ZNF382: variants seen among roughly 807,000 people sequenced by gnomAD.
ZNF382 encodes the protein zinc finger protein 382, also known as KRAB/zinc finger suppressor protein 1.
ZNF382 carries 20 observed loss-of-function variants against 38.8 expected under a neutral mutation model. That is an observed-to-expected ratio of 0.51 (90% CI 0.36 to 0.75). The LOEUF (loss-of-function observed/expected upper bound fraction) is 0.75, where lower values mean the gene tolerates loss of function less well. Among genes scored for constraint, ZNF382 ranks in the 30% least tolerant of loss-of-function variants. The pLI is 0.00. For synonymous variants in ZNF382, 202 were observed against 223.1 expected (o/e 0.91, Z 0.84); for missense variants, 546 against 654.1 (o/e 0.83, Z 1.80).
intron 4 of ZNF382, among the ~76,000 whole-genome samples, chr19:36,612,061 G>A (rs1243254143): frequency 6.6e-6 from 1 of 152,112 alleles, no homozygotes; most frequent in Non-Finnish European, 1.5e-5. Flanking sequence ...TTTGAATTCT[G>A]ACAGAAGGAT....
At chr19:36,620,839 A>G (rs534103683) in intron 4 of ZNF382, among the ~76,000 whole-genome samples, 1 of 151,176 alleles carries the variant, frequency 6.6e-6, no homozygotes, top group Non-Finnish European at 1.5e-5. Context: ...GCACACTGCA[A>G]CCTCCACCTC....
intron 4 of ZNF382, among the ~76,000 whole-genome samples, chr19:36,625,557 T>A (rs1320566307): frequency 8.6e-5 from 13 of 151,386 alleles, no homozygotes; most frequent in Non-Finnish European, 1.8e-4. Flanking sequence ...TATCTTTTTT[T>A]TTTTTTTGGG....
intron 4 of ZNF382, among the ~76,000 whole-genome samples, chr19:36,623,652 G>C (rs999127531): frequency 6.6e-6 from 1 of 152,028 alleles, no homozygotes; most frequent in African/African-American, 2.4e-5. Context: ...ACATCAGTCA[G>C]ATTTGGTGGC....
rs922298469 is a variant in ZNF382 at position 36,632,660 on chromosome 19, C to G, written c.*5110C>G. 7.9e-5 allele frequency: 12 copies of G among 152,340 alleles called. No homozygotes were observed. The highest frequency in any genetic ancestry group is 1.2e-4 in the African/African-American group (5 of 41,572). The allele number at this position is 152,340 out of a possible 1,614,324, so 9.4% of individuals were successfully genotyped here. A position where few individuals can be genotyped will look rare whatever the true frequency, so the allele number is the denominator to read the frequency against. The stretch of plus-strand genomic sequence containing the variant: ...ACTAGTACCTTGTATAGCTCACTGG[C>G]CTTATCCCAACCAAGAGTCAGAGCC... On this transcript the variant is annotated 3_prime_UTR_variant, in exon 5 of 5. Transcript: ENST00000292928.
At chr19:36,622,108 G>A (rs1361059101) in intron 4 of ZNF382, among the ~76,000 whole-genome samples, 1 of 150,982 alleles carries the variant, frequency 6.6e-6, no homozygotes, top group Non-Finnish European at 1.5e-5. Flanking sequence ...TGCAACGTCC[G>A]CCTCCCAGGT....
intron 4 of ZNF382, among the ~76,000 whole-genome samples, chr19:36,617,917 G>A (rs1220214475): frequency 1.3e-5 from 2 of 152,106 alleles, no homozygotes; most frequent in Non-Finnish European, 2.9e-5. Context: ...GGCCTAATTG[G>A]TTAAAGTTTT....
chr19:36,605,574 GGAGC>G (rs928039197), intron 1 of ZNF382: 16 of 152,366 alleles, frequency 1.1e-4, no homozygotes, highest in African/African-American at 3.8e-4. Context: ...AGGGTGACCC[GGAGC>G]GAGCTCCGCG....
At chr19:36,607,771 G>A in intron 2 of ZNF382, 149 bp downstream of exon 2, 2 of 795,914 alleles carry the variant, frequency 2.5e-6, no homozygotes, top group South Asian at 3.8e-5. Context: ...AGGCAGGCAA[G>A]TGGCATGAGG....
At position 36,627,640 on chromosome 19, in the gene ZNF382, G is replaced by T; in HGVS notation, c.*90G>T. 1 of 863,262 alleles carries T rather than the reference G, an allele frequency of 1.2e-6. No individual in the cohort carries two copies. Among genetic ancestry groups the T allele is most frequent in the Non-Finnish European group, 1.8e-6 (1 of 559,742 alleles). The allele number at this position is 863,262 out of a possible 1,614,324, so 53.5% of individuals were successfully genotyped here. ...CAAGCGTAATATCCAACAGTTTAAGGTACTATACCACATGGTAACCTACTG... is the reference window on the plus strand; with the variant it reads ...CAAGCGTAATATCCAACAGTTTAAGTTACTATACCACATGGTAACCTACTG... On this transcript the variant is annotated 3_prime_UTR_variant, in exon 5 of 5. Coordinates refer to ENST00000292928, the MANE Select transcript of ZNF382 (RefSeq NM_032825.5).
chr19:36,608,774 C>G (rs1488478745), intron 2 of ZNF382: 1 of 152,266 alleles, frequency 6.6e-6, no homozygotes, highest in Non-Finnish European at 1.5e-5. Flanking sequence ...CTCATTACTT[C>G]CTTTGGTCCA....
chr19:36,623,806 A>AAG (rs1555793626), intron 4 of ZNF382, among the ~76,000 whole-genome samples: 91 of 145,950 alleles, frequency 6.2e-4, no homozygotes, highest in African/African-American at 2.2e-3. Context: ...AAAAAAAAAA[A>AAG]GGGGCCGGGC....
At chr19:36,607,520 C>G (rs1436972100) in intron 1 of ZNF382, 32 bp from the exon 2 acceptor site, 1 of 1,317,152 alleles carries the variant, frequency 7.6e-7, no homozygotes, top group Non-Finnish European at 1.1e-6. Context: ...TATGGTCTCA[C>G]ATACGTATAT....
chr19:36,626,736 A>G lies in ZNF382; in HGVS notation c.839A>G (p.Lys280Arg). 1 of 1,614,178 alleles carries G rather than the reference A, an allele frequency of 6.2e-7. No individual in the cohort carries two copies. The highest frequency in any genetic ancestry group is 8.5e-7 in the Non-Finnish European group (1 of 1,180,044). Residue 280 changes from lysine to arginine, a missense_variant, in exon 5 of 5, where the codon AAG (lysine) becomes AGG (arginine). Lys to Arg is a conservative substitution (Grantham distance 26). Transcript: ENST00000292928. ...AAATATGGGAAATTCCTCTGCAGAA[A>G]GCCTGTTTTTATTATGCCTCAGAGA... is the stretch of plus-strand genomic sequence containing the variant. ...YNKYGKFLCR[K>R]PVFIMPQRPQ...
chr19:36,626,568 A>C lies in ZNF382; in HGVS notation c.671A>C (p.Lys224Thr). 1.9e-6 allele frequency: 3 copies of C among 1,613,834 alleles called. No individual in the cohort carries two copies. The highest frequency in any genetic ancestry group is 2.5e-6 in the Non-Finnish European group (3 of 1,179,940). Residue 224 changes from lysine (K) to threonine (T), a missense_variant, in exon 5 of 5, where the codon AAA (lysine) becomes ACA (threonine). By Grantham distance (78) the Lys-to-Thr change is moderately conservative. Transcript: ENST00000292928. ...GAATGTGAAAAATCCTTCCTGATGA[A>C]AGGAATGCTATTTACACATACTAGA... Reference protein sequence around the residue: ...HNECEKSFLMKGMLFTHTRAH... With the variant: ...HNECEKSFLMTGMLFTHTRAH...
chr19:36,627,200 C>G lies in ZNF382; in HGVS notation c.1303C>G (p.Pro435Ala), dbSNP rs1253089056. The change falls in exon 5 of 5, where the codon CCC becomes GCC. Residue 435 changes from proline to alanine, a missense_variant. Pro to Ala is a conservative substitution (Grantham distance 27). Coordinates refer to ENST00000292928, the MANE Select transcript of ZNF382 (RefSeq NM_032825.5). The part of the protein sequence containing the change: ...VHQRTHTGEK[P>A]YICNECGKSF... ...TCAGAGAACTCACACAGGAGAGAAA[C>G]CCTATATTTGCAATGAATGTGGGAA... 6.2e-7 allele frequency: 1 copy of G among 1,614,040 alleles called. No homozygotes were observed.
intron 4 of ZNF382, among the ~76,000 whole-genome samples, chr19:36,622,899 A>G (rs1462064257): frequency 6.6e-6 from 1 of 152,204 alleles, no homozygotes; most frequent in Non-Finnish European, 1.5e-5. Flanking sequence ...CATTTCCTCC[A>G]TGAAATACCT....
intron 4 of ZNF382, among the ~76,000 whole-genome samples, chr19:36,625,088 A>AT (rs2037199491): frequency 6.1e-5 from 5 of 81,686 alleles, no homozygotes; most frequent in South Asian, 4.2e-4. Context: ...AAATGAATTT[A>AT]AATATATATA....
At chr19:36,606,093 G>A (rs1178587080) in intron 1 of ZNF382, among the ~76,000 whole-genome samples, 1 of 152,112 alleles carries the variant, frequency 6.6e-6, no homozygotes, top group Admixed American at 6.5e-5. Flanking sequence ...TTATGACCAT[G>A]GCTAGTTGGT....
chr19:36,609,815 C>A, intron 2 of ZNF382, 87 bp from the exon 3 acceptor site: 1 of 1,257,484 alleles, frequency 8.0e-7, no homozygotes, highest in Non-Finnish European at 1.1e-6. Context: ...CAATATAAAA[C>A]ATAAATAAGG....
Sources: gnomAD v4.1 joint callset for allele counts (sites outside exome capture counted in the v4.1 genomes callset) on GRCh38, gnomAD v4.1.1 for gene constraint, MANE v1.5 for transcripts, NCBI Gene and HGNC (gene_info 2026-07-23, HGNC 2026-07-21) for gene names.